INO80: variants seen among roughly 807,000 people sequenced by gnomAD.
The protein encoded by INO80 is INO80 complex ATPase subunit, also known as chromatin-remodeling ATPase INO80.
INO80 carries 20 observed loss-of-function variants against 203.4 expected under a neutral mutation model. The observed-to-expected ratio is 0.10, with a 90% CI of 0.07 to 0.14. The LOEUF is 0.14. Ranked by LOEUF, INO80 falls within the 10% of genes least tolerant of loss-of-function variation. The pLI, the probability that INO80 is intolerant of heterozygous loss-of-function variation, is 1.00. For synonymous variants in INO80, 726 were observed against 685.2 expected, an observed-to-expected ratio of 1.06 and a Z score of -0.93; for missense variants, 1,419 against 1,914.4, an observed-to-expected ratio of 0.74 and a Z score of 4.83.
chr15:41,078,688 T>C (rs1417482141), intron 9 of INO80, among the ~76,000 whole-genome samples: 2 of 152,194 alleles, frequency 1.3e-5, no homozygotes, highest in Non-Finnish European at 2.9e-5. Context: ...AATTCCCTTC[T>C]TTCTTCAAAT....
In INO80 at chr15:41,040,602, G is replaced by T. The variant is rs1371302658; in HGVS notation, c.2907+4302C>A. Among the ~76,000 whole-genome samples the T allele has an allele frequency of 2.6e-5, 4 of 152,300 alleles. No individual in the cohort carries two copies. The South Asian group carries it at 6.2e-4, about 24-fold the overall frequency. The stretch of plus-strand genomic sequence containing the variant: ...GAAGACAACATTGAGGCTGGGTGCA[G>T]TGGGTCATGCCTAAGTCCCAGCACT... On this transcript the variant is annotated intron_variant, in intron 24 of 35. Coordinates refer to ENST00000648947, the MANE Select transcript of INO80 (RefSeq NM_017553.3).
At chr15:41,064,774 A>T (rs1015462456) in intron 14 of INO80, among the ~76,000 whole-genome samples, 2 of 152,180 alleles carry the variant, frequency 1.3e-5, no homozygotes, top group Non-Finnish European at 2.9e-5. Flanking sequence ...AGGTAGAAGG[A>T]TCGCTTGAGC....
intron 1 of INO80, among the ~76,000 whole-genome samples, chr15:41,096,738 G>T (rs2140669460): frequency 6.6e-6 from 1 of 152,248 alleles, no homozygotes; most frequent in East Asian, 1.9e-4. Flanking sequence ...ACCTCAGAAA[G>T]GAAAGTACTA....
chr15:41,035,005 A>T (rs992830651), intron 24 of INO80, among the ~76,000 whole-genome samples: 2 of 152,266 alleles, frequency 1.3e-5, no homozygotes, highest in African/African-American at 4.8e-5. Context: ...GTTTATGAGT[A>T]AAGAATCCCT....
In INO80 at chr15:41,067,226, G is replaced by A. The variant is rs556699150; in HGVS notation, c.1782+2344C>T. 2.7e-3 allele frequency among the ~76,000 whole-genome samples: 408 copies of A among 152,052 alleles called. 2 individuals carry two copies. The highest frequency in any genetic ancestry group is 0.013 in the South Asian group (62 of 4,816). On this transcript the variant is annotated intron_variant, in intron 14 of 35. Coordinates refer to ENST00000648947, the MANE Select transcript of INO80 (RefSeq NM_017553.3). ...CGAGTAGCTGGGATTACAGGCGCCCGCCATAACACCTGGCTGATTTTTGTA... is the reference window on the plus strand; with the variant it reads ...CGAGTAGCTGGGATTACAGGCGCCCACCATAACACCTGGCTGATTTTTGTA...
chr15:41,046,206 C>T (rs11852427), intron 23 of INO80, among the ~76,000 whole-genome samples: 7,177 of 12,254 alleles, frequency 0.59, 1,819 homozygotes, highest in South Asian at 0.62. Flanking sequence ...CGTATACATA[C>T]ATATATATAT....
At chr15:41,014,928 C>G (rs939117134) in intron 27 of INO80, among the ~76,000 whole-genome samples, 1 of 152,106 alleles carries the variant, frequency 6.6e-6, no homozygotes, top group African/African-American at 2.4e-5. Context: ...ATTACGATTC[C>G]CTGGTGTAGC....
At chr15:41,022,931 T>C (rs1255927938) in intron 25 of INO80, among the ~76,000 whole-genome samples, 3 of 151,528 alleles carry the variant, frequency 2.0e-5, no homozygotes, top group African/African-American at 4.9e-5. Context: ...CAAAACCCCA[T>C]CTCTACAAAA....
At position 41,114,309 on chromosome 15, in the gene INO80, G is replaced by T. The variant is rs1054205712; in HGVS notation, c.-44+1664C>A. ...AAACATTCATTTTAAAGTCTAGAAG[G>T]TATGCAACTTTTACCACACATAATG... On this transcript the variant is annotated intron_variant, in intron 1 of 35. Coordinates refer to ENST00000648947, the MANE Select transcript of INO80 (RefSeq NM_017553.3). 5.9e-5 allele frequency among the ~76,000 whole-genome samples: 9 copies of T among 151,744 alleles called. No individual in the cohort carries two copies. The South Asian group carries it at 6.2e-4, about 11-fold the overall frequency.
intron 9 of INO80, among the ~76,000 whole-genome samples, 194 bp downstream of exon 9, chr15:41,079,507 A>C (rs2045452772): frequency 6.6e-6 from 1 of 151,084 alleles, no homozygotes; most frequent in South Asian, 2.1e-4. Context: ...AGATCAAGGC[A>C]GGCGGATCAC....
chr15:41,063,266 G>A (rs1024507561), intron 14 of INO80, among the ~76,000 whole-genome samples: 4 of 152,078 alleles, frequency 2.6e-5, no homozygotes, highest in South Asian at 2.1e-4. Context: ...GAACCTGGGA[G>A]GCAGAGGTTG....
chr15:41,079,548 G>A lies in INO80; in HGVS notation c.1131+153C>T, dbSNP rs1240982841. 3.4e-5 allele frequency among the ~76,000 whole-genome samples: 5 copies of A among 147,982 alleles called. 1 individual carries two copies. The highest frequency in any genetic ancestry group is 7.4e-5 in the Non-Finnish European group (5 of 67,452). On this transcript the variant is annotated intron_variant, in intron 9 of 35. Transcript: ENST00000648947. ...GCTCAGGAGTTTGAGACCAGCCTGG[G>A]CAATGTGGAGAAACCGCATCTCTAC...
chr15:40,990,258 C>T (rs2043799143), intron 29 of INO80, among the ~76,000 whole-genome samples: 1 of 152,314 alleles, frequency 6.6e-6, no homozygotes, highest in Non-Finnish European at 1.5e-5. Flanking sequence ...CATTGCCTAC[C>T]TACCTTGGTC....
At chr15:40,990,389 C>T (rs1441245575) in intron 29 of INO80, among the ~76,000 whole-genome samples, 1 of 152,166 alleles carries the variant, frequency 6.6e-6, no homozygotes, top group Non-Finnish European at 1.5e-5. Flanking sequence ...GAGACAGGGT[C>T]TTGCTCTGTC....
chr15:41,113,686 A>G (rs1171538154), intron 1 of INO80, among the ~76,000 whole-genome samples: 2 of 152,160 alleles, frequency 1.3e-5, no homozygotes, highest in Non-Finnish European at 2.9e-5. Flanking sequence ...ATCATAGCTC[A>G]CTAGGGACTC....
chr15:41,062,859 T>C (rs774571334), intron 14 of INO80, among the ~76,000 whole-genome samples: 22 of 152,192 alleles, frequency 1.4e-4, no homozygotes, highest in Non-Finnish European at 3.1e-4. Context: ...CTTTTCTTTA[T>C]AAATTACTCA....
intron 24 of INO80, 68 bp downstream of exon 24, chr15:41,044,836 T>C: frequency 6.8e-7 from 1 of 1,464,634 alleles, no homozygotes; most frequent in African/African-American, 1.4e-5. Flanking sequence ...TTTACTATTA[T>C]TTTTACTTAT....
chr15:41,097,411 TTA>T (rs2045742328), intron 1 of INO80, among the ~76,000 whole-genome samples: 1 of 152,112 alleles, frequency 6.6e-6, no homozygotes, highest in Non-Finnish European at 1.5e-5. Context: ...ACTTAAAGGG[TTA>T]CACGAAGACT....
rs753920827 is a variant in INO80 at position 41,055,272 on chromosome 15, G to C, written c.2163C>G (p.Ala721=). Residue 721 remains alanine (A), a synonymous_variant, in exon 18 of 36, where the codon GCC becomes GCG. Coordinates refer to ENST00000648947, the MANE Select transcript of INO80 (RefSeq NM_017553.3). ...TCTCATCAATAGCAGATTTGTTTTC[G>C]GCATGGCTCTCAATGTCCTTGGAAA... ...EWFSKDIESH[A]ENKSAIDENQ... is the part of the protein sequence containing the mutation. The C allele has an allele frequency of 1.9e-6, 3 of 1,610,860 alleles. No individual in the cohort carries two copies. Among genetic ancestry groups the C allele is most frequent in the Non-Finnish European group, 2.5e-6 (3 of 1,177,804 alleles).
Sources: allele counts gnomAD v4.1 joint callset (sites outside exome capture counted in the v4.1 genomes callset), GRCh38; gene constraint gnomAD v4.1.1; transcripts MANE v1.5; gene names NCBI Gene and HGNC (gene_info 2026-07-23, HGNC 2026-07-21).